The following SLC24A3 variants were observed in gnomAD, a reference collection of about 807,000 sequenced individuals.
SLC24A3 encodes the protein solute carrier family 24 member 3, also known as sodium/potassium/calcium exchanger 3.
Under a neutral mutation model 75.8 loss-of-function variants are expected in SLC24A3, and 28 were observed. The observed-to-expected ratio is 0.37, with a 90% CI of 0.27 to 0.51. SLC24A3 has a LOEUF of 0.51. Ranked by LOEUF, SLC24A3 falls within the 20% of genes least tolerant of loss-of-function variation. The pLI is 0.94. For missense variants in SLC24A3, 663 were observed against 847.8 expected, an observed-to-expected ratio of 0.78 and a Z score of 2.71; for synonymous variants, 372 against 334.1, an observed-to-expected ratio of 1.11 and a Z score of -1.24.
chr20:19,248,129 AC>A (rs1600392114), intron 1 of SLC24A3, among the ~76,000 whole-genome samples: 4 of 152,304 alleles, frequency 2.6e-5, no homozygotes, highest in Admixed American at 2.0e-4. Flanking sequence ...ATAGAAAAAA[AC>A]AAAACAAAAC....
At chr20:19,219,921 A>G (rs1981661143) in intron 1 of SLC24A3, among the ~76,000 whole-genome samples, 2 of 152,234 alleles carry the variant, frequency 1.3e-5, no homozygotes, top group South Asian at 4.1e-4. Flanking sequence ...GACCATCATC[A>G]GGGGACCTGG....
intron 3 of SLC24A3, among the ~76,000 whole-genome samples, chr20:19,572,891 A>T (rs191204140): frequency 1.2e-3 from 178 of 151,790 alleles, no homozygotes; most frequent in Middle Eastern, 3.4e-3. Context: ...AAATAAATTT[A>T]AAAAAAAACT....
At chr20:19,689,431 T>A (rs954778457) in intron 12 of SLC24A3, among the ~76,000 whole-genome samples, 1 of 152,224 alleles carries the variant, frequency 6.6e-6, no homozygotes, top group East Asian at 1.9e-4. Context: ...GGCCCCTGGC[T>A]TCAGCTCTCA....
At chr20:19,258,520 A>G (rs1982883601) in intron 1 of SLC24A3, among the ~76,000 whole-genome samples, 1 of 152,212 alleles carries the variant, frequency 6.6e-6, no homozygotes, top group African/African-American at 2.4e-5. Flanking sequence ...CCTCACCAAT[A>G]TGGTGAAACC....
At chr20:19,675,634 AG>A (rs2032513493) in intron 9 of SLC24A3, among the ~76,000 whole-genome samples, 1 of 152,200 alleles carries the variant, frequency 6.6e-6, no homozygotes, top group African/African-American at 2.4e-5. Context: ...TTCCTAGAGT[AG>A]GACCTTAGTC....
chr20:19,545,290 C>T (rs900241356), intron 3 of SLC24A3, among the ~76,000 whole-genome samples: 3 of 152,176 alleles, frequency 2.0e-5, no homozygotes, highest in East Asian at 1.9e-4. Flanking sequence ...TGTGGACAAA[C>T]GCAGGTCGGG....
intron 2 of SLC24A3, among the ~76,000 whole-genome samples, chr20:19,511,121 G>T (rs926517617): frequency 1.3e-5 from 2 of 152,114 alleles, no homozygotes; most frequent in Admixed American, 6.5e-5. Flanking sequence ...CAGCAAGCTT[G>T]AGACACTGTG....
At position 19,258,658 on chromosome 20, in the gene SLC24A3, C is replaced by T. The variant is rs370445251; in HGVS notation, c.143-22301C>T. 4.5e-4 allele frequency among the ~76,000 whole-genome samples: 68 copies of T among 152,232 alleles called. 1 individual carries two copies. In the East Asian group the frequency reaches 9.5e-3, roughly 21 times the overall value. On this transcript the variant is annotated intron_variant, in intron 1 of 16. Coordinates refer to ENST00000328041, the MANE Select transcript of SLC24A3 (RefSeq NM_020689.4). ...CGGAAGTTGCAGTGAGCTGAGATCG[C>T]GCCACTGCACTCCAGCCTGGGTGAC...
At chr20:19,343,005 G>T (rs1347090161) in intron 2 of SLC24A3, among the ~76,000 whole-genome samples, 2 of 143,736 alleles carry the variant, frequency 1.4e-5, no homozygotes, top group Admixed American at 7.6e-5. Flanking sequence ...AGGAGGCGGA[G>T]CTTGCAGTGA....
chr20:19,428,600 A>C (rs933962958), intron 2 of SLC24A3, among the ~76,000 whole-genome samples: 2 of 152,250 alleles, frequency 1.3e-5, no homozygotes, highest in African/African-American at 4.8e-5. Flanking sequence ...GTAATTGCTC[A>C]TGTGAGTTCT....
At chr20:19,222,225 T>A (rs552472831) in intron 1 of SLC24A3, among the ~76,000 whole-genome samples, 49 of 152,296 alleles carry the variant, frequency 3.2e-4, no homozygotes, top group Middle Eastern at 3.4e-3. Flanking sequence ...AGTAGATTCG[T>A]AGTAGTATTG....
chr20:19,500,455 C>A (rs1164013203), intron 2 of SLC24A3, among the ~76,000 whole-genome samples: 1 of 152,122 alleles, frequency 6.6e-6, no homozygotes, highest in Non-Finnish European at 1.5e-5. Flanking sequence ...GATTGACAGT[C>A]TGATCATATT....
intron 2 of SLC24A3, among the ~76,000 whole-genome samples, chr20:19,451,143 G>A (rs1462898205): frequency 6.6e-6 from 1 of 152,194 alleles, no homozygotes; most frequent in Non-Finnish European, 1.5e-5. Context: ...TTTCTTGTAT[G>A]TATGTAATAC....
At chr20:19,584,891 T>C in intron 4 of SLC24A3, 80 bp from the exon 5 acceptor site, 1 of 1,333,664 alleles carries the variant, frequency 7.5e-7, no homozygotes, top group Non-Finnish European at 1.1e-6. Context: ...TCTCAGGGCT[T>C]GGACTCTCGG....
intron 3 of SLC24A3, among the ~76,000 whole-genome samples, chr20:19,567,114 C>A (rs1052534448): frequency 6.6e-6 from 1 of 152,200 alleles, no homozygotes; most frequent in Non-Finnish European, 1.5e-5. Flanking sequence ...TTGTCAAGAA[C>A]TTAAAATAGA....
At chr20:19,284,380 A>T (rs1983751401) in intron 2 of SLC24A3, 2 of 152,832 alleles carry the variant, frequency 1.3e-5, no homozygotes, top group Admixed American at 1.3e-4. Context: ...AATGAATACT[A>T]CTTGTGCTGG....
chr20:19,461,444 A>T (rs1359627498), intron 2 of SLC24A3, among the ~76,000 whole-genome samples: 3 of 151,614 alleles, frequency 2.0e-5, no homozygotes, highest in Non-Finnish European at 4.4e-5. Flanking sequence ...CACACATATT[A>T]TGTATAGTCT....
At chr20:19,622,926 T>C (rs1171879923) in intron 6 of SLC24A3, among the ~76,000 whole-genome samples, 1 of 152,054 alleles carries the variant, frequency 6.6e-6, no homozygotes, top group Non-Finnish European at 1.5e-5. Flanking sequence ...GGAAGGAAGA[T>C]GCCAGGCTCT....
Position 19,717,545 on chromosome 20 carries a change from G to C in SLC24A3, c.1737G>C (p.Arg579Ser). 6.2e-7 allele frequency: 1 copy of C among 1,614,070 alleles called. No homozygotes were observed. ...TCTTACAGATCCGGCTGAATAGCAG[G>C]GGGCTGATCTACTCCGTAGGCTTGC... Reference protein sequence around the residue: ...DYGSYIRLNSRGLIYSVGLLL... With the variant: ...DYGSYIRLNSSGLIYSVGLLL... Residue 579 changes from arginine to serine, a missense_variant, in exon 16 of 17, where the codon AGG becomes AGC. Physicochemically the swap from Arg to Ser is moderately radical, Grantham distance 110. This residue lies in a region of SLC24A3 where 510 missense variants were observed against 703.6 expected (regional missense o/e 0.72). Coordinates refer to ENST00000328041, the MANE Select transcript of SLC24A3 (RefSeq NM_020689.4).
Sources: allele counts gnomAD v4.1 joint callset (sites outside exome capture counted in the v4.1 genomes callset), GRCh38; gene constraint gnomAD v4.1.1; regional missense constraint gnomAD v4.1.1; transcripts MANE v1.5; gene names NCBI Gene and HGNC (gene_info 2026-07-23, HGNC 2026-07-21).